The following TMEM63C variants were observed in gnomAD, a reference collection of about 807,000 sequenced individuals.
TMEM63C encodes the protein osmosensitive cation channel TMEM63C.
Under a neutral mutation model 99.2 loss-of-function variants are expected in TMEM63C, and 32 were observed. The ratio of observed to expected loss-of-function variants is 0.32; its 90% CI spans 0.24 to 0.43. The LOEUF (loss-of-function observed/expected upper bound fraction) is 0.43, where lower values mean the gene tolerates loss of function less well. TMEM63C is among the 20% of genes least tolerant of loss of function. The pLI is 1.00. For missense variants in TMEM63C, 826 were observed against 1,053.0 expected, an observed-to-expected ratio of 0.78 and a Z score of 2.98; for synonymous variants, 376 against 397.9, an observed-to-expected ratio of 0.94 and a Z score of 0.66.
At position 77,186,805 on chromosome 14, in the gene TMEM63C, G is replaced by GTGTGTGTGTGTGTC. The variant is rs1555345716; in HGVS notation, c.-77+4924_-77+4925insCTGTGTGTGTGTGT. Among the ~76,000 whole-genome samples the GTGTGTGTGTGTGTC allele has an allele frequency of 1.9e-3, 282 of 150,686 alleles. 2 individuals carry two copies. Among genetic ancestry groups the GTGTGTGTGTGTGTC allele is most frequent in the African/African-American group, 6.3e-3 (254 of 40,602 alleles). ...TGTGTGTGTGTGTGTGTGTGTCTGT[G>GTGTGTGTGTGTGTC]TGTGTGTGTGTGTGTCTGTGTGTGT... On this transcript the variant is annotated intron_variant, in intron 1 of 23. Transcript: ENST00000298351.
chr14:77,226,901 G>T (rs1442127095), intron 6 of TMEM63C, among the ~76,000 whole-genome samples: 1 of 152,024 alleles, frequency 6.6e-6, no homozygotes, highest in Non-Finnish European at 1.5e-5. Context: ...CCGAGTAGCT[G>T]GGATTAGAGG....
chr14:77,240,374 G>C, intron 12 of TMEM63C, 101 bp from the exon 13 acceptor site: 1 of 1,402,630 alleles, frequency 7.1e-7, no homozygotes, highest in South Asian at 1.5e-5. Context: ...GTGCTTCAAG[G>C]CCACCACAAT....
At chr14:77,235,686 G>A (rs186974058) in intron 8 of TMEM63C, among the ~76,000 whole-genome samples, 131 of 7,506 alleles carry the variant, frequency 0.017, 42 homozygotes, top group East Asian at 0.054. Context: ...GGTGGGTGGC[G>A]GGTATGGGGA....
rs775792648 is a variant in TMEM63C at position 77,248,889 on chromosome 14, G to T, written c.1870+17G>T. 1.9e-6 allele frequency: 3 copies of T among 1,595,840 alleles called. No individual in the cohort carries two copies. In the African/African-American group the frequency reaches 4.0e-5, roughly 21 times the overall value. ...TGCCTTTTGGTGAGTCATCTCCAAG[G>T]CATGCCCAAGGGCTGCACATCCGCA... On this transcript the variant is annotated intron_variant, in intron 20 of 23. Transcript: ENST00000298351.
intron 17 of TMEM63C, among the ~76,000 whole-genome samples, 158 bp downstream of exon 17, chr14:77,246,184 G>A (rs2140129404): frequency 6.6e-6 from 1 of 152,288 alleles, no homozygotes; most frequent in South Asian, 2.1e-4. Context: ...CGGGCTTCCT[G>A]CAGACACTAA....
chr14:77,215,849 C>A (rs150192648), intron 2 of TMEM63C, among the ~76,000 whole-genome samples: 3 of 152,266 alleles, frequency 2.0e-5, no homozygotes, highest in East Asian at 3.9e-4. Flanking sequence ...TCTACTGAAT[C>A]ATTCCCACCA....
chr14:77,247,420 C>T (rs1295534647), intron 18 of TMEM63C, among the ~76,000 whole-genome samples: 3 of 152,076 alleles, frequency 2.0e-5, no homozygotes, highest in South Asian at 2.1e-4. Context: ...AGGCTGGTCT[C>T]GAACTCCTGG....
chr14:77,236,466 G>A (rs1173105213), intron 8 of TMEM63C, among the ~76,000 whole-genome samples, 158 bp from the exon 9 acceptor site: 4 of 146,000 alleles, frequency 2.7e-5, no homozygotes, highest in African/African-American at 1.0e-4. Flanking sequence ...ATGGGTTGGG[G>A]TCTGGGGAGA....
chr14:77,224,676 C>A (rs1380040399), intron 5 of TMEM63C, among the ~76,000 whole-genome samples: 5 of 152,018 alleles, frequency 3.3e-5, no homozygotes, highest in African/African-American at 1.2e-4. Context: ...GACAGCAAGA[C>A]CCCAAGAGAA....
At chr14:77,227,163 A>G (rs932859961) in intron 6 of TMEM63C, among the ~76,000 whole-genome samples, 3 of 152,200 alleles carry the variant, frequency 2.0e-5, no homozygotes, top group African/African-American at 7.2e-5. Context: ...AACTCAGAAC[A>G]ATATATGTGT....
At chr14:77,226,140 G>T (rs894134406) in intron 6 of TMEM63C, among the ~76,000 whole-genome samples, 2 of 152,126 alleles carry the variant, frequency 1.3e-5, no homozygotes, top group East Asian at 3.9e-4. Context: ...ACACGTACAC[G>T]TGTGCACACA....
intron 13 of TMEM63C, 135 bp downstream of exon 13, chr14:77,240,743 G>T: frequency 1.7e-6 from 2 of 1,155,274 alleles, no homozygotes; most frequent in Non-Finnish European, 2.4e-6. Flanking sequence ...CTGCCATCTG[G>T]CTCTCCAGTG....
At chr14:77,203,241 G>T (rs879378248) in intron 1 of TMEM63C, among the ~76,000 whole-genome samples, 2 of 149,972 alleles carry the variant, frequency 1.3e-5, no homozygotes, top group African/African-American at 5.0e-5. Context: ...AGCCGGCCGG[G>T]CATGGTGGTG....
At chr14:77,191,236 T>C (rs1250858432) in intron 1 of TMEM63C, among the ~76,000 whole-genome samples, 1 of 152,160 alleles carries the variant, frequency 6.6e-6, no homozygotes, top group East Asian at 1.9e-4. Flanking sequence ...CACATAGTAG[T>C]AGATATTTGT....
intron 2 of TMEM63C, among the ~76,000 whole-genome samples, chr14:77,216,825 C>T (rs751450601): frequency 7.2e-5 from 11 of 152,160 alleles, no homozygotes; most frequent in Admixed American, 2.0e-4. Flanking sequence ...CCGAGCTCTC[C>T]GCATCTACTT....
intron 1 of TMEM63C, among the ~76,000 whole-genome samples, chr14:77,210,272 C>T (rs931820995): frequency 7.9e-5 from 12 of 152,122 alleles, no homozygotes; most frequent in African/African-American, 2.9e-4. Context: ...CAGTGACCCC[C>T]TCCCAGGCTA....
intron 23 of TMEM63C, among the ~76,000 whole-genome samples, chr14:77,254,294 A>G (rs1889425947): frequency 6.6e-6 from 1 of 152,194 alleles, no homozygotes; most frequent in Non-Finnish European, 1.5e-5. Context: ...AGTTGTGGGC[A>G]GAGCTGGGAG....
At chr14:77,253,260 G>A (rs116288300) in intron 22 of TMEM63C, 45 bp from the exon 23 acceptor site, 6 of 1,576,628 alleles carry the variant, frequency 3.8e-6, no homozygotes, top group East Asian at 2.3e-5. Flanking sequence ...ATGGGGAGGG[G>A]CAAAGAGCAG....
rs1889401102 is a variant in TMEM63C at position 77,253,251 on chromosome 14, TG to T, written c.2149-50del. 1.9e-6 allele frequency: 3 copies of T among 1,546,152 alleles called. No homozygotes were observed. In the Admixed American group the frequency reaches 5.3e-5, roughly 28 times the overall value. On this transcript the variant is annotated intron_variant, in intron 22 of 23. Transcript: ENST00000298351. ...TGGAGTTGAGGCTCCTCTGGATGAATGGGGAGGGGCAAAGAGCAGGCCTCCT... is the reference window on the plus strand; with the variant it reads ...TGGAGTTGAGGCTCCTCTGGATGAATGGGAGGGGCAAAGAGCAGGCCTCCT...
Sources: gnomAD v4.1 joint callset for allele counts (sites outside exome capture counted in the v4.1 genomes callset) on GRCh38, gnomAD v4.1.1 for gene constraint, MANE v1.5 for transcripts, NCBI Gene and HGNC (gene_info 2026-07-23, HGNC 2026-07-21) for gene names.